The following SERINC3 variants were observed in gnomAD, a reference collection of about 807,000 sequenced individuals.
The protein encoded by SERINC3 is serine incorporator 3.
Under a neutral mutation model 52.1 loss-of-function variants are expected in SERINC3, and 22 were observed. The ratio of observed to expected loss-of-function variants is 0.42; its 90% CI spans 0.30 to 0.60. The LOEUF is 0.60. Among genes scored for constraint, SERINC3 ranks in the 20% least tolerant of loss-of-function variants. The pLI, the probability that SERINC3 is intolerant of heterozygous loss-of-function variation, is 0.16. For missense variants in SERINC3, 564 were observed against 584.6 expected (o/e 0.96, Z 0.36); for synonymous variants, 226 against 212.7 (o/e 1.06, Z -0.54).
chr20:44,511,337 CA>C lies in SERINC3; in HGVS notation c.426del (p.Ile142MetfsTer24). 1 of 1,613,168 alleles carries C rather than the reference CA, an allele frequency of 6.2e-7. No homozygotes were observed. The highest frequency in any genetic ancestry group is 8.5e-7 in the Non-Finnish European group (1 of 1,179,208). On this transcript the variant is annotated frameshift_variant, in exon 4 of 10. Coordinates refer to ENST00000342374, the MANE Select transcript of SERINC3 (RefSeq NM_006811.4). LOFTEE classifies it high-confidence loss of function. ...ATGTAGAAAGAGCCAACCATGATTC[CA>C]ATAAGGGCAGCAATTTTGAAGAACC... ...GFWFFKIAALIGIMVGSFYIP... is the reference protein window; with the variant it reads ...GFWFFKIAALXGIMVGSFYIP...
chr20:44,500,974 G>T, intron 9 of SERINC3, 99 bp downstream of exon 9: 1 of 800,556 alleles, frequency 1.2e-6, no homozygotes, highest in East Asian at 2.6e-5. Flanking sequence ...TTCATTATAT[G>T]GGTAAGAGCA....
chr20:44,507,002 G>A lies in SERINC3; in HGVS notation c.614-6C>T, dbSNP rs199761679. On this transcript the variant is annotated splice_region_variant and splice_polypyrimidine_tract_variant and intron_variant, in intron 5 of 9. Transcript: ENST00000342374. The stretch of plus-strand genomic sequence containing the variant: ...GCTTGTGAAAGACAGTAAAGCTGGA[G>A]AAAGGGAAACCAATATGAATGACCA... The A allele has an allele frequency of 1.9e-6, 3 of 1,586,718 alleles. No individual in the cohort carries two copies. Among genetic ancestry groups the A allele is most frequent in the Admixed American group, 1.9e-5 (1 of 53,744 alleles).
At chr20:44,496,452 C>T (rs147460815), downstream of SERINC3, 1 of 152,448 alleles carries the variant, frequency 6.6e-6, no homozygotes, top group East Asian at 1.9e-4. Flanking sequence ...TATCAATCTG[C>T]ACAGATCAAA....
chr20:44,518,988 A>G (rs2064398907), intron 1 of SERINC3, among the ~76,000 whole-genome samples: 1 of 148,982 alleles, frequency 6.7e-6, no homozygotes, highest in African/African-American at 2.5e-5. Context: ...AAAAAAAAAA[A>G]GCCTCAAGTT....
In SERINC3 at chr20:44,498,670, T is replaced by C. The variant is rs2064262211; in HGVS notation, c.*1626A>G. On this transcript the variant is annotated 3_prime_UTR_variant, in exon 10 of 10. Transcript: ENST00000342374. ...CCGTCCCTACGATTCCACTTCTCTA[T>C]TTCACATCTCATATGGACTGCACCT... 1 of 152,232 alleles carries C rather than the reference T, an allele frequency of 6.6e-6. No individual in the cohort carries two copies. Among genetic ancestry groups the C allele is most frequent in the Admixed American group, 6.5e-5 (1 of 15,276 alleles). The allele number at this position is 152,232 out of a possible 1,614,324, so 9.4% of individuals were successfully genotyped here.
chr20:44,507,136 TC>T (rs2064320054), intron 5 of SERINC3, 140 bp from the exon 6 acceptor site: 1 of 579,284 alleles, frequency 1.7e-6, no homozygotes. Flanking sequence ...TACAGAGGTC[TC>T]AAGGTTAAAG....
rs1302212516 is a variant in SERINC3, at chr20:44,497,684, C to A, written c.*2612G>T. 1 of 152,198 alleles carries A rather than the reference C, an allele frequency of 6.6e-6. No homozygotes were observed. The highest frequency in any genetic ancestry group is 1.5e-5 in the Non-Finnish European group (1 of 68,032). 9.4% of individuals were successfully genotyped at this position (152,198 alleles called of 1,614,324 possible). A position where few individuals can be genotyped will look rare whatever the true frequency, so the allele number is the denominator to read the frequency against. Reference sequence around the variant, plus strand: ...CCCTCAAATCCCTTGAAACGCTATACCCTGACATAAACCACTGGTTTAAAA... The same window carrying A: ...CCCTCAAATCCCTTGAAACGCTATAACCTGACATAAACCACTGGTTTAAAA... On this transcript the variant is annotated 3_prime_UTR_variant, in exon 10 of 10. Transcript: ENST00000342374.
rs199964696 is a variant in SERINC3, at chr20:44,511,315, T to C, written c.449A>G (p.Tyr150Cys). The change falls in exon 4 of 10, where the codon TAC becomes TGC. Residue 150 changes from tyrosine to cysteine, a missense_variant. Tyr to Cys is a radical substitution (Grantham distance 194). Coordinates refer to ENST00000342374, the MANE Select transcript of SERINC3 (RefSeq NM_006811.4). ...TGAGCTGAAATAGCCCCCAGGGATG[T>C]AGAAAGAGCCAACCATGATTCCAAT... ...ALIGIMVGSFYIPGGYFSSVW... is the reference protein window; with the variant it reads ...ALIGIMVGSFCIPGGYFSSVW... The C allele has an allele frequency of 2.2e-4, 362 of 1,613,060 alleles. 3 individuals are homozygous for C. Among genetic ancestry groups the C allele is most frequent in the South Asian group, 1.0e-3 (91 of 91,054 alleles).
At chr20:44,513,659 A>T (rs1289215450) in intron 2 of SERINC3, among the ~76,000 whole-genome samples, 2 of 152,002 alleles carry the variant, frequency 1.3e-5, no homozygotes, top group Non-Finnish European at 2.9e-5. Flanking sequence ...CACCCTTTTA[A>T]TGTTTTCTCT....
chr20:44,514,129 C>G, intron 1 of SERINC3, 89 bp from the exon 2 acceptor site: 1 of 1,389,800 alleles, frequency 7.2e-7, no homozygotes, highest in Non-Finnish European at 9.7e-7. Flanking sequence ...CGAGGCAAAT[C>G]AGGCTTTATA....
rs751411710 is a variant in SERINC3 at position 44,511,242 on chromosome 20, TAG to T, written c.475+45_475+46del. ...AATGTAGCTTTAACTCAATCATCTA[TAG>T]AGTTTATATAGTTTAAAATTAACCC... is the stretch of plus-strand genomic sequence containing the variant. On this transcript the variant is annotated intron_variant, in intron 4 of 9. Coordinates refer to ENST00000342374, the MANE Select transcript of SERINC3 (RefSeq NM_006811.4). 18 of 1,314,220 alleles carry T rather than the reference TAG, an allele frequency of 1.4e-5. No homozygotes were observed. The South Asian group carries it at 2.0e-4, about 15-fold the overall frequency. 81.4% of individuals were successfully genotyped at this position (1,314,220 alleles called of 1,614,324 possible). A position where few individuals can be genotyped will look rare whatever the true frequency, so the allele number is the denominator to read the frequency against.
chr20:44,501,387 C>A, intron 8 of SERINC3, 87 bp from the exon 9 acceptor site: 1 of 1,051,606 alleles, frequency 9.5e-7, no homozygotes, highest in African/African-American at 1.6e-5. Context: ...ACACTTACTG[C>A]TGAGCTGTTC....
chr20:44,512,508 G>A (rs1193907553), intron 3 of SERINC3, among the ~76,000 whole-genome samples: 1 of 152,088 alleles, frequency 6.6e-6, no homozygotes, highest in Non-Finnish European at 1.5e-5. Flanking sequence ...TGTGTACGTA[G>A]TATCTAGCAT....
chr20:44,514,078 C>G (rs1177090777), intron 1 of SERINC3, 38 bp from the exon 2 acceptor site: 1 of 1,590,664 alleles, frequency 6.3e-7, no homozygotes, highest in African/African-American at 1.3e-5. Flanking sequence ...AGACCGCCTT[C>G]AGTATACTCC....
Position 44,506,996 on chromosome 20 carries a change from G to C in SERINC3, c.614C>G (p.Ala205Gly). 1 of 1,590,294 alleles carries C rather than the reference G, an allele frequency of 6.3e-7. No homozygotes were observed. The highest frequency in any genetic ancestry group is 8.5e-7 in the Non-Finnish European group (1 of 1,170,782). Residue 205 changes from alanine (A) to glycine (G), a missense_variant and splice_region_variant, in exon 6 of 10, where the codon GCT becomes GGT. By Grantham distance (60) the Ala-to-Gly change is moderately conservative (BLOSUM62 0). Transcript: ENST00000342374. ...EEGNPRLWYA[A>G]LLSFTSAFYI... ...AAAGGCGCTTGTGAAAGACAGTAAA[G>C]CTGGAGAAAGGGAAACCAATATGAA...
In SERINC3 at chr20:44,498,159, G is replaced by C. The variant is rs574163754; in HGVS notation, c.*2137C>G. 1 of 151,522 alleles carries C rather than the reference G, an allele frequency of 6.6e-6. No homozygotes were observed. The highest frequency in any genetic ancestry group is 1.5e-5 in the Non-Finnish European group (1 of 67,896). 9.4% of individuals were successfully genotyped at this position (151,522 alleles called of 1,614,324 possible). A position where few individuals can be genotyped will look rare whatever the true frequency, so the allele number is the denominator to read the frequency against. ...AGACCACCTACCTCCATTCTTCTTCGAACACATGTTTTTCCTGTTTGCCAC... is the reference window on the plus strand; with the variant it reads ...AGACCACCTACCTCCATTCTTCTTCCAACACATGTTTTTCCTGTTTGCCAC... On this transcript the variant is annotated 3_prime_UTR_variant, in exon 10 of 10. Transcript: ENST00000342374.
rs1286797417 is a variant in SERINC3, at chr20:44,513,951, A to T, written c.129T>A (p.Ala43=). Residue 43 remains alanine, a synonymous_variant, in exon 2 of 10, where the codon GCT becomes GCA. Coordinates refer to ENST00000342374, the MANE Select transcript of SERINC3 (RefSeq NM_006811.4). The stretch of plus-strand genomic sequence containing the variant: ...CGACAGTGCTCAGGAGGAGAATGAA[A>T]GCATAAATGAGGCGAGTCACCGTGG... ...KNSTVTRLIY[A]FILLLSTVVS... 2 of 1,614,086 alleles carry T rather than the reference A, an allele frequency of 1.2e-6. No homozygotes were observed. Among genetic ancestry groups the T allele is most frequent in the Admixed American group, 1.7e-5 (1 of 59,996 alleles).
chr20:44,508,989 C>T (rs187243359), intron 5 of SERINC3, among the ~76,000 whole-genome samples: 14 of 152,180 alleles, frequency 9.2e-5, no homozygotes, highest in Admixed American at 5.2e-4. Context: ...AATAAAACTG[C>T]GCAATTCAAT....
chr20:44,505,033 A>C, intron 6 of SERINC3, 142 bp from the exon 7 acceptor site: 1 of 592,180 alleles, frequency 1.7e-6, no homozygotes, highest in Non-Finnish European at 3.0e-6. Flanking sequence ...GGTGACAAGT[A>C]ACCTTCTGTT....
Sources: allele counts gnomAD v4.1 joint callset (sites outside exome capture counted in the v4.1 genomes callset), GRCh38; gene constraint gnomAD v4.1.1; transcripts MANE v1.5; gene names NCBI Gene and HGNC (gene_info 2026-07-23, HGNC 2026-07-21).